The following USP33 variants were observed in gnomAD, a reference collection of about 807,000 sequenced individuals.
USP33 encodes the protein ubiquitin carboxyl-terminal hydrolase 33.
USP33 carries 46 observed loss-of-function variants against 124.2 expected under a neutral mutation model. That is an observed-to-expected ratio of 0.37 (90% CI 0.29 to 0.47). USP33 has a LOEUF of 0.47. Among genes scored for constraint, USP33 ranks in the 20% least tolerant of loss-of-function variants. The pLI is 0.99. For synonymous variants in USP33, 350 were observed against 352.3 expected (o/e 0.99, Z 0.07); for missense variants, 851 against 1,070.6 (o/e 0.79, Z 2.86).
chr1:77,754,278 C>T (rs565301327), intron 1 of USP33, among the ~76,000 whole-genome samples: 7 of 152,202 alleles, frequency 4.6e-5, no homozygotes, highest in African/African-American at 1.4e-4. Flanking sequence ...GAGTACTAGT[C>T]CAGCAGTACC....
intron 15 of USP33, among the ~76,000 whole-genome samples, chr1:77,720,038 TA>T (rs1158738163): frequency 1.3e-5 from 2 of 151,830 alleles, no homozygotes; most frequent in Non-Finnish European, 2.9e-5. Flanking sequence ...CATGCATCTG[TA>T]GTCCCAGCTA....
rs747941030 is a variant in USP33, at chr1:77,725,639, G to A, written c.1259C>T (p.Ala420Val). Residue 420 changes from alanine (A) to valine (V), a missense_variant, in exon 11 of 24, where the codon GCA (alanine) becomes GTA (valine). Transcript: ENST00000370794. Reference sequence around the variant, plus strand: ...CGTTTTACCTTTTTTGTGTGGTGGTGCCAATCCTGGCCACAAATTGCCTGA... The same window carrying A: ...CGTTTTACCTTTTTTGTGTGGTGGTACCAATCCTGGCCACAAATTGCCTGA... Reference protein sequence around the residue: ...PKSGNLWPGLAPPHKKAQSAS... With the variant: ...PKSGNLWPGLVPPHKKAQSAS... The A allele has an allele frequency of 1.2e-6, 2 of 1,614,064 alleles. No individual in the cohort carries two copies. Among genetic ancestry groups the A allele is most frequent in the East Asian group, 4.5e-5 (2 of 44,874 alleles).
intron 12 of USP33, 161 bp from the exon 13 acceptor site, chr1:77,722,357 G>GA: frequency 8.1e-6 from 5 of 617,952 alleles, no homozygotes; most frequent in South Asian, 2.5e-5. Flanking sequence ...AGTCATAATA[G>GA]CAAAAAAAAA....
intron 16 of USP33, 52 bp from the exon 17 acceptor site, chr1:77,718,099 C>T: frequency 6.9e-7 from 1 of 1,457,542 alleles, no homozygotes; most frequent in South Asian, 1.4e-5. Context: ...AAACAAAAAG[C>T]ATTATAACAG....
At chr1:77,740,423 G>A (rs895997140) in intron 4 of USP33, among the ~76,000 whole-genome samples, 28 of 150,538 alleles carry the variant, frequency 1.9e-4, no homozygotes, top group Admixed American at 6.6e-4. Context: ...GCACGATCTC[G>A]GCTCACTGCA....
chr1:77,704,471 T>G (rs545154990), intron 21 of USP33, among the ~76,000 whole-genome samples: 80 of 152,356 alleles, frequency 5.3e-4, no homozygotes, highest in African/African-American at 1.8e-3. Flanking sequence ...ACTTCCTATG[T>G]GTTTAGGTAG....
intron 6 of USP33, among the ~76,000 whole-genome samples, chr1:77,735,614 T>A (rs759328959): frequency 6.6e-6 from 1 of 152,200 alleles, no homozygotes; most frequent in Non-Finnish European, 1.5e-5. Flanking sequence ...CTAAGAACAG[T>A]GGGCCTAAAA....
At position 77,706,554 on chromosome 1, in the gene USP33, C is replaced by T. The variant is rs372176949; in HGVS notation, c.2407-5083G>A. On this transcript the variant is annotated intron_variant, in intron 21 of 23. Transcript: ENST00000370794. ...TCTTGGACTTAGTGAATGACTCATT[C>T]GTAACCATAATATCCTACATTGGCT... is the stretch of plus-strand genomic sequence containing the variant. Among the ~76,000 whole-genome samples the T allele has an allele frequency of 1.1e-4, 17 of 152,284 alleles. No individual in the cohort carries two copies. In the East Asian group the frequency reaches 2.9e-3, roughly 26 times the overall value.
chr1:77,719,722 G>A (rs1557833183), intron 15 of USP33, among the ~76,000 whole-genome samples: 1 of 151,610 alleles, frequency 6.6e-6, no homozygotes, highest in Non-Finnish European at 1.5e-5. Context: ...GTGTGGTGGC[G>A]GGCACCTGTA....
At chr1:77,733,945 G>C (rs1247245081) in intron 7 of USP33, among the ~76,000 whole-genome samples, 2 of 151,740 alleles carry the variant, frequency 1.3e-5, no homozygotes, top group Non-Finnish European at 2.9e-5. Context: ...CCAAACTTGA[G>C]TAAAACCACC....
chr1:77,736,201 AT>A (rs200252528), intron 5 of USP33, 43 bp from the exon 6 acceptor site: 4 of 1,394,222 alleles, frequency 2.9e-6, no homozygotes, highest in South Asian at 1.3e-5. Context: ...AAATCCTTAA[AT>A]TTAAAAAAAG....
chr1:77,756,807 A>G (rs1680840837), intron 1 of USP33, among the ~76,000 whole-genome samples: 1 of 152,228 alleles, frequency 6.6e-6, no homozygotes, highest in Non-Finnish European at 1.5e-5. Context: ...TCCAAGTTCA[A>G]GATGCACTTC....
chr1:77,751,333 T>C (rs888799521), intron 1 of USP33, among the ~76,000 whole-genome samples: 3 of 152,176 alleles, frequency 2.0e-5, no homozygotes, highest in Non-Finnish European at 2.9e-5. Context: ...GTGGCTAAAT[T>C]GCTCATCTGC....
chr1:77,701,912 C>T, intron 21 of USP33, among the ~76,000 whole-genome samples: 1 of 151,826 alleles, frequency 6.6e-6, no homozygotes, highest in South Asian at 2.1e-4. Context: ...TCAAGTGATA[C>T]CTGCCTTGGG....
Position 77,697,947 on chromosome 1 carries a change from T to A in USP33, c.2510-16A>T. On this transcript the variant is annotated splice_polypyrimidine_tract_variant and intron_variant, in intron 22 of 23. Transcript: ENST00000370794. Reference sequence around the variant, plus strand: ...CCTGGAGGATCTAAAGGAAAAAATATCAAAATGTATTTTTCAAAGAAATGT... The same window carrying A: ...CCTGGAGGATCTAAAGGAAAAAATAACAAAATGTATTTTTCAAAGAAATGT... 6.3e-7 allele frequency: 1 copy of A among 1,582,886 alleles called. No individual in the cohort carries two copies. Among genetic ancestry groups the A allele is most frequent in the Non-Finnish European group, 8.6e-7 (1 of 1,167,722 alleles).
intron 7 of USP33, among the ~76,000 whole-genome samples, chr1:77,732,294 T>C (rs948934777): frequency 2.6e-5 from 4 of 152,118 alleles, no homozygotes; most frequent in Non-Finnish European, 4.4e-5. Flanking sequence ...CTCTAGTTAC[T>C]CTACCCACAT....
chr1:77,726,175 C>T (rs1476507402), intron 10 of USP33, among the ~76,000 whole-genome samples: 4 of 152,156 alleles, frequency 2.6e-5, no homozygotes, highest in Admixed American at 6.5e-5. Flanking sequence ...GTCTCAAAGT[C>T]CTGGCCTCAA....
Position 77,722,203 on chromosome 1 carries a change from T to C in USP33, c.1390-7A>G. 1 of 1,600,608 alleles carries C rather than the reference T, an allele frequency of 6.2e-7. No homozygotes were observed. Among genetic ancestry groups the C allele is most frequent in the Non-Finnish European group, 8.5e-7 (1 of 1,174,138 alleles). On this transcript the variant is annotated splice_polypyrimidine_tract_variant and splice_region_variant and intron_variant, in intron 12 of 23. Coordinates refer to ENST00000370794, the MANE Select transcript of USP33 (RefSeq NM_201624.3). ...TCTCGAGGGTTACAGACACCTAAAA[T>C]TGTTTTGTGTTTTAAAAATGGGATG...
At chr1:77,720,706 G>A (rs1676473597) in intron 15 of USP33, 1 of 762,302 alleles carries the variant, frequency 1.3e-6, no homozygotes, top group South Asian at 5.9e-5. Context: ...AGTCTAAATT[G>A]ATTACAAGAC....
Sources: gnomAD v4.1 joint callset for allele counts (sites outside exome capture counted in the v4.1 genomes callset) on GRCh38, gnomAD v4.1.1 for gene constraint, MANE v1.5 for transcripts, NCBI Gene and HGNC (gene_info 2026-07-23, HGNC 2026-07-21) for gene names.